Variants in B3GNT2 observed in about 807,000 individuals in gnomAD.
The protein encoded by B3GNT2 is N-acetyllactosaminide beta-1,3-N-acetylglucosaminyltransferase 2.
In B3GNT2, 12 loss-of-function variants were observed where a neutral mutation model predicts 27.6. The ratio of observed to expected loss-of-function variants is 0.44; its 90% CI spans 0.28 to 0.71. B3GNT2 has a LOEUF of 0.71. Among genes scored for constraint, B3GNT2 ranks in the 30% least tolerant of loss-of-function variants. B3GNT2 has a pLI of 0.17. For missense variants in B3GNT2, 413 were observed against 488.5 expected (o/e 0.85, Z 1.46); for synonymous variants, 192 against 189.7 (o/e 1.01, Z -0.10).
At chr2:62,199,720 A>G (rs1277533280) in intron 1 of B3GNT2, among the ~76,000 whole-genome samples, 1 of 152,262 alleles carries the variant, frequency 6.6e-6, no homozygotes, top group Non-Finnish European at 1.5e-5. Flanking sequence ...TGCATCCAGT[A>G]AAGAAAACAG....
At chr2:62,215,093 G>A (rs889597976) in intron 1 of B3GNT2, among the ~76,000 whole-genome samples, 3 of 152,104 alleles carry the variant, frequency 2.0e-5, no homozygotes, top group Admixed American at 6.5e-5. Flanking sequence ...CTGGGCTTTC[G>A]GGGGGTTGTA....
At chr2:62,200,013 C>T (rs1674235596) in intron 1 of B3GNT2, among the ~76,000 whole-genome samples, 1 of 152,192 alleles carries the variant, frequency 6.6e-6, no homozygotes, top group Non-Finnish European at 1.5e-5. Context: ...TTATGTGGCA[C>T]AATTACTTTG....
intron 1 of B3GNT2, among the ~76,000 whole-genome samples, chr2:62,200,177 C>G (rs1392166592): frequency 6.6e-6 from 1 of 152,130 alleles, no homozygotes; most frequent in Non-Finnish European, 1.5e-5. Flanking sequence ...AACAAAAATT[C>G]AGATGTCTTT....
At chr2:62,214,384 C>G (rs79861653) in intron 1 of B3GNT2, among the ~76,000 whole-genome samples, 2 of 116,650 alleles carry the variant, frequency 1.7e-5, no homozygotes, top group African/African-American at 5.8e-5. Flanking sequence ...AATAGAAGCA[C>G]CTGGCTCCTG....
intron 1 of B3GNT2, among the ~76,000 whole-genome samples, chr2:62,220,993 T>G (rs1485970983): frequency 6.6e-6 from 1 of 152,186 alleles, no homozygotes; most frequent in Non-Finnish European, 1.5e-5. Flanking sequence ...ACAATAGAGA[T>G]CTTAAATATA....
chr2:62,212,396 G>C (rs1480048125), intron 1 of B3GNT2, among the ~76,000 whole-genome samples: 3 of 151,948 alleles, frequency 2.0e-5, no homozygotes. Context: ...AAGCCCCCCT[G>C]GTGCTGGCCA....
At chr2:62,203,702 G>T (rs530584821) in intron 1 of B3GNT2, among the ~76,000 whole-genome samples, 1 of 152,124 alleles carries the variant, frequency 6.6e-6, no homozygotes. Flanking sequence ...GAAGATGGGG[G>T]AAACAGTGGA....
At chr2:62,209,152 C>T (rs763261523) in intron 1 of B3GNT2, among the ~76,000 whole-genome samples, 2 of 152,098 alleles carry the variant, frequency 1.3e-5, no homozygotes, top group Non-Finnish European at 2.9e-5. Context: ...CGGCTAATTT[C>T]GGGCCATTGG....
Position 62,222,144 on chromosome 2 carries a change from A to G in B3GNT2, c.-9-68A>G, listed in dbSNP as rs1258666652. The G allele has an allele frequency of 6.4e-5, 87 of 1,357,688 alleles. No individual in the cohort carries two copies. The highest frequency in any genetic ancestry group is 8.6e-5 in the Non-Finnish European group (85 of 992,646). 84.1% of individuals were successfully genotyped at this position (1,357,688 alleles called of 1,614,324 possible). On this transcript the variant is annotated intron_variant, in intron 1 of 1. Transcript: ENST00000301998. The surrounding 1 kb of genome is among the most constrained non-coding windows in gnomAD (Gnocchi z 4.2). ...AACCACTATTCCTGGGGAGACAGGTAAAATAAATTGTATGTGCAAATGCAA... is the reference window on the plus strand; with the variant it reads ...AACCACTATTCCTGGGGAGACAGGTGAAATAAATTGTATGTGCAAATGCAA...
At chr2:62,208,234 T>TAATGATACGG (rs1674415904) in intron 1 of B3GNT2, among the ~76,000 whole-genome samples, 1 of 89,492 alleles carries the variant, frequency 1.1e-5, no homozygotes, top group African/African-American at 4.5e-5. Flanking sequence ...CCCCCTTCCT[T>TAATGATACGG]CCCCCCCAAT....
At chr2:62,205,859 T>TGGC (rs1674361688) in intron 1 of B3GNT2, 2 of 154,198 alleles carry the variant, frequency 1.3e-5, no homozygotes, top group Admixed American at 6.5e-5. Flanking sequence ...CTGGAACCAT[T>TGGC]TCTCCTGGGA....
intron 1 of B3GNT2, among the ~76,000 whole-genome samples, chr2:62,206,152 C>T (rs1674370642): frequency 1.3e-5 from 2 of 152,048 alleles, no homozygotes; most frequent in African/African-American, 4.8e-5. Flanking sequence ...CTAGAGGCCT[C>T]CGGGATGGGG....
chr2:62,219,376 G>A (rs562790160), intron 1 of B3GNT2, among the ~76,000 whole-genome samples: 3 of 152,274 alleles, frequency 2.0e-5, no homozygotes, highest in South Asian at 2.1e-4. Context: ...GCAGTGGCAC[G>A]ATCTCAGCTC....
intron 1 of B3GNT2, chr2:62,221,727 A>G (rs1558637318): frequency 2.3e-6 from 1 of 425,854 alleles, no homozygotes; most frequent in Non-Finnish European, 4.6e-6. Flanking sequence ...TGCGTCACAC[A>G]TGTAAATAGA....
intron 1 of B3GNT2, among the ~76,000 whole-genome samples, chr2:62,210,696 G>C (rs1674466227): frequency 6.6e-6 from 1 of 152,024 alleles, no homozygotes; most frequent in African/African-American, 2.4e-5. Flanking sequence ...CTTGAACCCG[G>C]GAGGCAGGGG....
At chr2:62,218,049 T>C (rs563655116) in intron 1 of B3GNT2, among the ~76,000 whole-genome samples, 1 of 152,226 alleles carries the variant, frequency 6.6e-6, no homozygotes, top group East Asian at 1.9e-4. Flanking sequence ...GTTTATAACA[T>C]CTTCCCCCAG....
At chr2:62,205,873 A>G (rs574610689) in intron 1 of B3GNT2, 3 of 154,296 alleles carry the variant, frequency 1.9e-5, no homozygotes, top group South Asian at 2.0e-4. Flanking sequence ...CCTGGGAAGC[A>G]TGGTAGCCAG....
At chr2:62,221,788 A>G (rs745740500) in intron 1 of B3GNT2, 6 of 510,382 alleles carry the variant, frequency 1.2e-5, no homozygotes, top group South Asian at 7.2e-5. Flanking sequence ...TGTATTTGTT[A>G]TAATTTAGGC....
chr2:62,206,140 G>A (rs932693036), intron 1 of B3GNT2, among the ~76,000 whole-genome samples: 8 of 152,134 alleles, frequency 5.3e-5, no homozygotes, highest in Non-Finnish European at 1.0e-4. Context: ...GGGTGCTGGT[G>A]TCTAGAGGCC....
Sources: allele counts gnomAD v4.1 joint callset (sites outside exome capture counted in the v4.1 genomes callset), GRCh38; gene constraint gnomAD v4.1.1; non-coding constraint Gnocchi (gnomAD v3.1); transcripts MANE v1.5; gene names NCBI Gene and HGNC (gene_info 2026-07-23, HGNC 2026-07-21).